Variants in VAV3 observed in about 807,000 individuals in gnomAD.
VAV3 encodes the protein vav guanine nucleotide exchange factor 3.
VAV3 carries 94 observed loss-of-function variants against 131.2 expected under a neutral mutation model. The observed-to-expected ratio is 0.72, with a 90% CI of 0.61 to 0.85. VAV3 has a LOEUF of 0.85. Ranked by LOEUF, VAV3 falls within the 40% of genes least tolerant of loss-of-function variation. The probability of loss-of-function intolerance (pLI) is 0.00; values close to 1 mark genes in which losing one functional copy is unlikely to be tolerated. For synonymous variants in VAV3, 349 were observed against 342.0 expected, an observed-to-expected ratio of 1.02 and a Z score of -0.22; for missense variants, 939 against 1,002.7, an observed-to-expected ratio of 0.94 and a Z score of 0.86.
chr1:107,712,425 A>G (rs1031369370), intron 15 of VAV3, among the ~76,000 whole-genome samples: 15 of 152,250 alleles, frequency 9.9e-5, no homozygotes, highest in Admixed American at 7.8e-4. Context: ...TTCTTCTTCC[A>G]AAGTGGCCCA....
intron 20 of VAV3, among the ~76,000 whole-genome samples, chr1:107,635,290 A>C (rs928913984): frequency 6.6e-6 from 1 of 152,186 alleles, no homozygotes; most frequent in Non-Finnish European, 1.5e-5. Flanking sequence ...CTATGCAGCC[A>C]TAAAAAATGA....
intron 1 of VAV3, among the ~76,000 whole-genome samples, chr1:107,898,936 A>C (rs1447716353): frequency 6.6e-6 from 1 of 152,208 alleles, no homozygotes; most frequent in Non-Finnish European, 1.5e-5. Context: ...CACTCAGTCC[A>C]TTTGTCAACA....
chr1:107,657,096 G>C (rs542335967), intron 19 of VAV3, among the ~76,000 whole-genome samples: 1 of 151,818 alleles, frequency 6.6e-6, no homozygotes, highest in African/African-American at 2.4e-5. Context: ...CTGGGATTAC[G>C]GGCATGCACC....
chr1:107,612,770 G>T (rs1652852330), intron 21 of VAV3, among the ~76,000 whole-genome samples: 2 of 152,054 alleles, frequency 1.3e-5, no homozygotes, highest in South Asian at 4.1e-4. Context: ...TCCTCTCTCT[G>T]ACTCTTTTTA....
intron 17 of VAV3, among the ~76,000 whole-genome samples, chr1:107,700,632 T>C (rs751349984): frequency 1.3e-5 from 2 of 152,250 alleles, no homozygotes; most frequent in Non-Finnish European, 2.9e-5. Context: ...GGACATGATC[T>C]CATTCCTCTT....
At chr1:107,884,511 G>A (rs759652052) in intron 1 of VAV3, among the ~76,000 whole-genome samples, 12 of 151,060 alleles carry the variant, frequency 7.9e-5, no homozygotes, top group Non-Finnish European at 1.5e-4. Context: ...TGCAATCTCA[G>A]TTCACTGCAG....
intron 2 of VAV3, among the ~76,000 whole-genome samples, chr1:107,798,311 A>C (rs1666649624): frequency 6.6e-6 from 1 of 152,130 alleles, no homozygotes; most frequent in Non-Finnish European, 1.5e-5. Flanking sequence ...TAAAAATAGG[A>C]GGGGTGTTCT....
chr1:107,755,672 TCA>T (rs1258613053), intron 11 of VAV3, among the ~76,000 whole-genome samples, 159 bp from the exon 12 acceptor site: 14 of 152,142 alleles, frequency 9.2e-5, no homozygotes, highest in Admixed American at 3.3e-4. Context: ...CAAAGCTGCA[TCA>T]CAGAGGCAAT....
intron 9 of VAV3, among the ~76,000 whole-genome samples, chr1:107,762,555 A>G (rs918252309): frequency 6.6e-6 from 1 of 152,206 alleles, no homozygotes; most frequent in Non-Finnish European, 1.5e-5. Flanking sequence ...TAATATTACT[A>G]TAATTAGTAG....
intron 25 of VAV3, among the ~76,000 whole-genome samples, chr1:107,579,794 A>G (rs1208293077): frequency 6.6e-6 from 1 of 152,136 alleles, no homozygotes; most frequent in Admixed American, 6.5e-5. Flanking sequence ...TGTCTCTCTA[A>G]TGAAATCTGC....
intron 2 of VAV3, among the ~76,000 whole-genome samples, chr1:107,807,372 T>A (rs1290039764): frequency 1.3e-5 from 2 of 152,224 alleles, no homozygotes; most frequent in Non-Finnish European, 2.9e-5. Flanking sequence ...GAAAATGTTA[T>A]TACTCCCCAC....
intron 25 of VAV3, among the ~76,000 whole-genome samples, chr1:107,575,402 G>C (rs1362132013): frequency 6.6e-6 from 1 of 152,042 alleles, no homozygotes; most frequent in South Asian, 2.1e-4. Flanking sequence ...TTGGCCACAG[G>C]GATCTCTGAC....
intron 2 of VAV3, among the ~76,000 whole-genome samples, chr1:107,849,171 C>T (rs1669109910): frequency 6.6e-6 from 1 of 151,826 alleles, no homozygotes; most frequent in Non-Finnish European, 1.5e-5. Flanking sequence ...AGATTCAATG[C>T]TACCCCTATT....
At position 107,877,208 on chromosome 1, in the gene VAV3, T is replaced by C. The variant is rs564180876; in HGVS notation, c.205-2191A>G. 2.6e-5 allele frequency among the ~76,000 whole-genome samples: 4 copies of C among 152,338 alleles called. No individual in the cohort carries two copies. The East Asian group carries it at 7.7e-4, about 29-fold the overall frequency. ...CATAAGAGACCTTTAAGACACAGAA[T>C]CACTCTGCATGTAGCTCTTCCACAT... On this transcript the variant is annotated intron_variant, in intron 1 of 26. Coordinates refer to ENST00000370056, the MANE Select transcript of VAV3 (RefSeq NM_006113.5).
At position 107,862,209 on chromosome 1, in the gene VAV3, G is replaced by A. The variant is rs1001401678; in HGVS notation, c.321+12692C>T. Among the ~76,000 whole-genome samples, 8 of 151,560 alleles carry A rather than the reference G, an allele frequency of 5.3e-5. No homozygotes were observed. In the East Asian group the frequency reaches 5.8e-4, roughly 11 times the overall value. ...CTATCCAGAGGAAGCCTGCGCAGCC[G>A]GACTCCACACAGCTGCAGTGACTGC... On this transcript the variant is annotated intron_variant, in intron 2 of 26. Transcript: ENST00000370056.
At chr1:107,796,108 T>G (rs1176668679) in intron 2 of VAV3, among the ~76,000 whole-genome samples, 1 of 151,998 alleles carries the variant, frequency 6.6e-6, no homozygotes, top group Non-Finnish European at 1.5e-5. Flanking sequence ...TCAAACAGTA[T>G]AACAAAGTGA....
intron 17 of VAV3, among the ~76,000 whole-genome samples, chr1:107,696,397 T>C (rs989603622): frequency 9.8e-5 from 15 of 152,338 alleles, no homozygotes; most frequent in Middle Eastern, 6.8e-3. Context: ...TATAATTTAT[T>C]CTTCCCATCT....
Position 107,964,790 on chromosome 1 carries a change from G to A in VAV3, c.80C>T (p.Ser27Leu), listed in dbSNP as rs760718551. 5 of 1,613,906 alleles carry A rather than the reference G, an allele frequency of 3.1e-6. No individual in the cohort carries two copies. The highest frequency in any genetic ancestry group is 1.3e-5 in the African/African-American group (1 of 74,932). Residue 27 changes from serine (S) to leucine (L), a missense_variant, in exon 1 of 27, where the codon TCG becomes TTG. Physicochemically the swap from Ser to Leu is moderately radical, Grantham distance 145. Transcript: ENST00000370056. ...CTGCGCAAGGTCGAACACCTGAGCC[G>A]AGTCCCAGGTCACCCGGTGGTTGGT... ...LPTNHRVTWD[S>L]AQVFDLAQTL... is the part of the protein sequence containing the mutation.
intron 1 of VAV3, among the ~76,000 whole-genome samples, chr1:107,899,423 A>G (rs1233730113): frequency 6.6e-6 from 1 of 152,166 alleles, no homozygotes; most frequent in Non-Finnish European, 1.5e-5. Flanking sequence ...ACGACCTTAC[A>G]GCCCACTAGC....
Sources: allele counts gnomAD v4.1 joint callset (sites outside exome capture counted in the v4.1 genomes callset), GRCh38; gene constraint gnomAD v4.1.1; transcripts MANE v1.5; gene names NCBI Gene and HGNC (gene_info 2026-07-23, HGNC 2026-07-21).